Variants in ZFHX4 observed in about 807,000 individuals in gnomAD.
The protein encoded by ZFHX4 is zinc finger homeobox 4.
A neutral mutation model predicts 267.6 loss-of-function variants in ZFHX4; 56 were observed. The observed-to-expected ratio is 0.21, with a 90% confidence interval of 0.17 to 0.26. The LOEUF is 0.26. ZFHX4 is among the 10% of genes least tolerant of loss of function. The pLI, the probability that ZFHX4 is intolerant of heterozygous loss-of-function variation, is 1.00. For missense variants in ZFHX4, 4,332 were observed against 4,420.0 expected, an observed-to-expected ratio of 0.98 and a Z score of 0.56; for synonymous variants, 1,778 against 1,665.6, an observed-to-expected ratio of 1.07 and a Z score of -1.64.
intron 3 of ZFHX4, among the ~76,000 whole-genome samples, chr8:76,752,266 G>T (rs1809632596): frequency 6.6e-6 from 1 of 151,684 alleles, no homozygotes. Context: ...ATTCATAAAT[G>T]TCTAACTATA....
In ZFHX4 at chr8:76,863,746, A is replaced by G; in HGVS notation, c.10032A>G (p.Pro3344=). The part of the protein sequence containing the change: ...QKQQQEQQQK[P]VQAKTSKVES... The stretch of plus-strand genomic sequence containing the variant: ...AACAGCAAGAACAGCAGCAGAAACC[A>G]GTTCAGGCAAAGACATCCAAAGTAG... The change falls in exon 11 of 11, where the codon CCA becomes CCG. Residue 3344 remains proline (P), a synonymous_variant. Transcript: ENST00000651372. 3 of 1,554,168 alleles carry G rather than the reference A, an allele frequency of 1.9e-6. No homozygotes were observed. Among genetic ancestry groups the G allele is most frequent in the Non-Finnish European group, 2.6e-6 (3 of 1,148,376 alleles).
At chr8:76,716,054 G>T (rs1808562933) in intron 3 of ZFHX4, among the ~76,000 whole-genome samples, 1 of 152,206 alleles carries the variant, frequency 6.6e-6, no homozygotes, top group Non-Finnish European at 1.5e-5. Flanking sequence ...AATGTGGGAA[G>T]AAATGATCTA....
At chr8:76,798,443 G>T (rs1811038500) in intron 4 of ZFHX4, among the ~76,000 whole-genome samples, 1 of 152,152 alleles carries the variant, frequency 6.6e-6, no homozygotes, top group East Asian at 1.9e-4. Flanking sequence ...ATTACAATCT[G>T]CAAGCCAGGT....
At chr8:76,763,969 A>C (rs1349256543) in intron 3 of ZFHX4, among the ~76,000 whole-genome samples, 2 of 152,152 alleles carry the variant, frequency 1.3e-5, no homozygotes, top group East Asian at 3.9e-4. Context: ...CTTTATATTC[A>C]TATGTTCATA....
chr8:76,801,232 A>C (rs1044666061), intron 4 of ZFHX4, among the ~76,000 whole-genome samples: 1 of 152,162 alleles, frequency 6.6e-6, no homozygotes, highest in Non-Finnish European at 1.5e-5. Context: ...AAGTGACTTT[A>C]AATAATGCTT....
chr8:76,687,404 C>G (rs558508735), intron 1 of ZFHX4, among the ~76,000 whole-genome samples: 10 of 152,238 alleles, frequency 6.6e-5, no homozygotes, highest in Non-Finnish European at 1.2e-4. Context: ...TGTTCATTAC[C>G]CATGAAGAGG....
intron 4 of ZFHX4, among the ~76,000 whole-genome samples, chr8:76,829,980 CTTTCCT>C (rs1811892531): frequency 6.6e-6 from 1 of 152,078 alleles, no homozygotes; most frequent in Non-Finnish European, 1.5e-5. Flanking sequence ...AGGAAAGCTA[CTTTCCT>C]TTGAAATCCA....
chr8:76,723,676 G>T (rs951927959), intron 3 of ZFHX4, among the ~76,000 whole-genome samples: 2 of 151,724 alleles, frequency 1.3e-5, no homozygotes, highest in African/African-American at 4.8e-5. Flanking sequence ...CATAGGCTTT[G>T]CTCTGGGGGA....
At chr8:76,823,637 C>T (rs1416416060) in intron 4 of ZFHX4, among the ~76,000 whole-genome samples, 2 of 152,068 alleles carry the variant, frequency 1.3e-5, no homozygotes, top group Non-Finnish European at 2.9e-5. Flanking sequence ...TAAATCTGAC[C>T]TTTTTGAATG....
chr8:76,829,381 T>C (rs1026880213), intron 4 of ZFHX4, among the ~76,000 whole-genome samples: 3 of 151,892 alleles, frequency 2.0e-5, no homozygotes, highest in African/African-American at 7.3e-5. Flanking sequence ...CCAGAATAAA[T>C]ATTGCTTGTA....
Position 76,781,621 on chromosome 8 carries a change from C to T in ZFHX4, c.3325+3182C>T, listed in dbSNP as rs530608393. On this transcript the variant is annotated intron_variant, in intron 4 of 10. Coordinates refer to ENST00000651372, the MANE Select transcript of ZFHX4 (RefSeq NM_024721.5). The stretch of plus-strand genomic sequence containing the variant: ...TTTTTGACCTATTAACTTTTTATCA[C>T]GATGCAGAATATATCTTAAACATAA... 9.2e-5 allele frequency among the ~76,000 whole-genome samples: 14 copies of T among 152,058 alleles called. No homozygotes were observed. The East Asian group carries it at 1.5e-3, about 17-fold the overall frequency.
intron 1 of ZFHX4, among the ~76,000 whole-genome samples, chr8:76,699,798 T>G (rs1288551000): frequency 1.3e-5 from 2 of 150,006 alleles, no homozygotes; most frequent in African/African-American, 4.9e-5. Context: ...TTCTTCTGAA[T>G]TTAACAATAA....
intron 4 of ZFHX4, among the ~76,000 whole-genome samples, chr8:76,781,823 G>A (rs1029986431): frequency 1.3e-5 from 2 of 152,022 alleles, no homozygotes; most frequent in African/African-American, 4.8e-5. Flanking sequence ...GCAATCACAA[G>A]GCTGGGAGCG....
Position 76,863,598 on chromosome 8 carries a change from G to T in ZFHX4, c.9884G>T (p.Ser3295Ile). The change falls in exon 11 of 11, where the codon AGC becomes ATC. Residue 3295 changes from serine to isoleucine, a missense_variant. Ser to Ile is a moderately radical substitution (Grantham distance 142). This residue lies in a region of ZFHX4 where 1,648 missense variants were observed against 1,625.0 expected (regional missense o/e 1.01). Coordinates refer to ENST00000651372, the MANE Select transcript of ZFHX4 (RefSeq NM_024721.5). Reference protein sequence around the residue: ...GYFPPVCGMESLFPYGPTMPQ... With the variant: ...GYFPPVCGMEILFPYGPTMPQ... ...TTCCCACCTGTCTGTGGCATGGAGA[G>T]CCTCTTTCCTTATGGCCCTACAATG... The T allele has an allele frequency of 6.2e-7, 1 of 1,613,724 alleles. No homozygotes were observed. The highest frequency in any genetic ancestry group is 1.3e-5 in the African/African-American group (1 of 75,048).
intron 3 of ZFHX4, among the ~76,000 whole-genome samples, chr8:76,713,595 C>T (rs1808487119): frequency 6.6e-6 from 1 of 152,168 alleles, no homozygotes; most frequent in Non-Finnish European, 1.5e-5. Context: ...TGTTTTACCC[C>T]ACCTAGGTCT....
chr8:76,739,759 C>T (rs1278648944), intron 3 of ZFHX4, among the ~76,000 whole-genome samples: 1 of 151,996 alleles, frequency 6.6e-6, no homozygotes, highest in East Asian at 1.9e-4. Flanking sequence ...ATGTACAATT[C>T]AAAATTTAAT....
At chr8:76,833,739 C>T (rs1585991308) in intron 5 of ZFHX4, 1 of 260,734 alleles carries the variant, frequency 3.8e-6, no homozygotes, top group East Asian at 1.0e-4. Context: ...ACAACATTAT[C>T]ACTTGAAGAC....
intron 1 of ZFHX4, among the ~76,000 whole-genome samples, chr8:76,685,984 G>A (rs548241822): frequency 6.6e-5 from 10 of 152,310 alleles, no homozygotes; most frequent in Admixed American, 6.5e-4. Context: ...AACAAAATAT[G>A]TGACTTGACT....
chr8:76,771,796 G>A (rs1368106449), intron 3 of ZFHX4, among the ~76,000 whole-genome samples: 1 of 152,146 alleles, frequency 6.6e-6, no homozygotes, highest in Non-Finnish European at 1.5e-5. Context: ...AGAGATGGTG[G>A]CAAAATGTAG....
Sources: allele counts gnomAD v4.1 joint callset (sites outside exome capture counted in the v4.1 genomes callset), GRCh38; gene constraint gnomAD v4.1.1; regional missense constraint gnomAD v4.1.1; transcripts MANE v1.5; gene names NCBI Gene and HGNC (gene_info 2026-07-23, HGNC 2026-07-21).